MYRFL: variants seen among roughly 807,000 people sequenced by gnomAD.
MYRFL encodes myelin regulatory factor-like protein.
MYRFL carries 88 observed loss-of-function variants against 109.4 expected under a neutral mutation model. The ratio of observed to expected loss-of-function variants is 0.80; its 90% CI spans 0.68 to 0.96. The LOEUF (loss-of-function observed/expected upper bound fraction) is 0.96, where lower values mean the gene tolerates loss of function less well. MYRFL is among the 40% of genes least tolerant of loss of function. MYRFL has a pLI of 0.00. For missense variants in MYRFL, 957 were observed against 954.9 expected (o/e 1.00, Z -0.03); for synonymous variants, 324 against 320.9 (o/e 1.01, Z -0.10).
chr12:69,836,134 C>T (rs987585014), intron 1 of MYRFL, among the ~76,000 whole-genome samples: 2 of 152,178 alleles, frequency 1.3e-5, no homozygotes, highest in African/African-American at 2.4e-5. Context: ...CACTCAGTGG[C>T]CCGGATTGCC....
rs374005900 is a variant in MYRFL, at chr12:69,825,348, A to G, written c.-170A>G. On this transcript the variant is annotated 5_prime_UTR_variant, in exon 1 of 25. Transcript: ENST00000552032. ...TTTTATAATCACATTTGAAAACTCA[A>G]CCATCTTTCTGGGCACAATTTGATG... The G allele has an allele frequency of 1.2e-4, 84 of 697,588 alleles. 1 individual carries two copies. The highest frequency in any genetic ancestry group is 1.1e-3 in the East Asian group (42 of 37,208). 43.2% of individuals were successfully genotyped at this position (697,588 alleles called of 1,614,324 possible).
chr12:69,955,070 A>T (rs1478669756), intron 21 of MYRFL, among the ~76,000 whole-genome samples: 1 of 152,162 alleles, frequency 6.6e-6, no homozygotes, highest in Non-Finnish European at 1.5e-5. Flanking sequence ...TGTGTGAAAA[A>T]GCCATTTCTT....
intron 13 of MYRFL, among the ~76,000 whole-genome samples, chr12:69,916,891 G>A (rs139030772): frequency 1.3e-3 from 204 of 152,280 alleles, no homozygotes; most frequent in African/African-American, 4.8e-3. Context: ...TACCTTGGAA[G>A]CCTTTGCTAC....
chr12:69,945,153 G>A (rs11177983), intron 19 of MYRFL, among the ~76,000 whole-genome samples: 5,299 of 152,168 alleles, frequency 0.035, 317 homozygotes, highest in African/African-American at 0.12. Flanking sequence ...AAGTAAAAAA[G>A]TTATAGCAAG....
chr12:69,916,535 A>G (rs950038707), intron 13 of MYRFL, among the ~76,000 whole-genome samples: 9 of 151,926 alleles, frequency 5.9e-5, no homozygotes, highest in African/African-American at 1.9e-4. Context: ...TATTCTCTTT[A>G]TTCTTTCCAT....
At chr12:69,920,049 G>A (rs1954859147) in intron 13 of MYRFL, among the ~76,000 whole-genome samples, 1 of 152,152 alleles carries the variant, frequency 6.6e-6, no homozygotes, top group Non-Finnish European at 1.5e-5. Context: ...CTTTAGACCT[G>A]CAATGGACCC....
intron 15 of MYRFL, among the ~76,000 whole-genome samples, chr12:69,928,172 T>G (rs1169706906): frequency 6.6e-6 from 1 of 152,200 alleles, no homozygotes; most frequent in East Asian, 1.9e-4. Flanking sequence ...AATATGCAAA[T>G]GGAAGAATAG....
At chr12:69,842,573 A>T (rs1440884199) in intron 1 of MYRFL, among the ~76,000 whole-genome samples, 2 of 152,256 alleles carry the variant, frequency 1.3e-5, no homozygotes, top group African/African-American at 4.8e-5. Context: ...ATAAAAGCAC[A>T]TACAGCTGGC....
intron 13 of MYRFL, among the ~76,000 whole-genome samples, chr12:69,915,742 A>G (rs1227429448): frequency 6.6e-6 from 1 of 152,006 alleles, no homozygotes; most frequent in Non-Finnish European, 1.5e-5. Context: ...AAGCAAGGGG[A>G]CCTGTAGGCT....
At position 69,890,998 on chromosome 12, in the gene MYRFL, A is replaced by G; in HGVS notation, c.735A>G (p.Thr245=). ...CTGATGTGGGCTATCGAGTTGTAAC[A>G]GACAAAGGATTTAATTTTTCACCAG... ...KLPDVGYRVV[T]DKGFNFSPAD... The change falls in exon 7 of 25, where the codon ACA becomes ACG. Residue 245 remains threonine, a synonymous_variant. Coordinates refer to ENST00000552032, the MANE Select transcript of MYRFL (RefSeq NM_182530.3). 1 of 1,532,472 alleles carries G rather than the reference A, an allele frequency of 6.5e-7. No homozygotes were observed. The highest frequency in any genetic ancestry group is 1.2e-5 in the South Asian group (1 of 83,052). The allele number at this position is 1,532,472 out of a possible 1,614,324, so 94.9% of individuals were successfully genotyped here. A position where few individuals can be genotyped will look rare whatever the true frequency, so the allele number is the denominator to read the frequency against.
intron 1 of MYRFL, among the ~76,000 whole-genome samples, chr12:69,826,832 T>G (rs1179733828): frequency 6.6e-6 from 1 of 152,142 alleles, no homozygotes; most frequent in Non-Finnish European, 1.5e-5. Flanking sequence ...TAATTGTCAA[T>G]TTTTTCTTAC....
chr12:69,891,682 T>TTTCTTTCTTTCGTTCGTTCG (rs1277296623), intron 7 of MYRFL, among the ~76,000 whole-genome samples: 2 of 101,558 alleles, frequency 2.0e-5, no homozygotes, highest in East Asian at 5.5e-4. Flanking sequence ...TCTTTCTTTC[T>TTTCTTTCTTTCGTTCGTTCG]TTCGTTCGTT....
At chr12:69,834,330 C>T (rs554991029) in intron 1 of MYRFL, among the ~76,000 whole-genome samples, 3 of 152,222 alleles carry the variant, frequency 2.0e-5, no homozygotes, top group Non-Finnish European at 2.9e-5. Flanking sequence ...GTGTCATTCT[C>T]GTAGGGTTAA....
intron 7 of MYRFL, among the ~76,000 whole-genome samples, chr12:69,892,486 C>T (rs1258410205): frequency 1.3e-5 from 2 of 152,166 alleles, no homozygotes; most frequent in African/African-American, 2.4e-5. Flanking sequence ...TCACAGCTCA[C>T]TACAGCCTCA....
intron 2 of MYRFL, among the ~76,000 whole-genome samples, chr12:69,863,843 T>C (rs972509574): frequency 6.6e-6 from 1 of 152,214 alleles, no homozygotes; most frequent in Non-Finnish European, 1.5e-5. Flanking sequence ...TTGTTGGTGA[T>C]AGATTTTCTT....
intron 10 of MYRFL, among the ~76,000 whole-genome samples, chr12:69,897,652 A>G (rs1174561512): frequency 1.3e-5 from 2 of 152,248 alleles, no homozygotes; most frequent in Non-Finnish European, 2.9e-5. Flanking sequence ...TTACATTGTT[A>G]TACTTTCACA....
intron 2 of MYRFL, among the ~76,000 whole-genome samples, chr12:69,856,707 A>G (rs1884309202): frequency 6.6e-6 from 1 of 152,008 alleles, no homozygotes; most frequent in East Asian, 1.9e-4. Flanking sequence ...TCTTTGGTGA[A>G]GTGTTAATTC....
intron 21 of MYRFL, among the ~76,000 whole-genome samples, chr12:69,954,170 G>T (rs897100872): frequency 6.7e-6 from 1 of 148,618 alleles, no homozygotes; most frequent in Non-Finnish European, 1.5e-5. Flanking sequence ...ATAGTGAAGA[G>T]TCAGATGATT....
chr12:69,945,263 T>G (rs750243867), intron 19 of MYRFL, among the ~76,000 whole-genome samples: 10 of 152,202 alleles, frequency 6.6e-5, no homozygotes, highest in Admixed American at 2.0e-4. Flanking sequence ...GGCCTTCAGA[T>G]TCACTCACCG....
Sources: allele counts gnomAD v4.1 joint callset (sites outside exome capture counted in the v4.1 genomes callset), GRCh38; gene constraint gnomAD v4.1.1; transcripts MANE v1.5; gene names NCBI Gene and HGNC (gene_info 2026-07-23, HGNC 2026-07-21).